Variants in EPHA5 observed in about 807,000 individuals in gnomAD.
EPHA5 encodes ephrin type-A receptor 5.
Under a neutral mutation model 105.0 loss-of-function variants are expected in EPHA5, and 60 were observed. The observed-to-expected ratio is 0.57, with a 90% confidence interval of 0.46 to 0.71. The LOEUF is 0.71. Among genes scored for constraint, EPHA5 ranks in the 30% least tolerant of loss-of-function variants. The probability of loss-of-function intolerance (pLI) is 0.00; values close to 1 mark genes in which losing one functional copy is unlikely to be tolerated. For missense variants in EPHA5, 1,218 were observed against 1,274.7 expected (o/e 0.96, Z 0.68); for synonymous variants, 513 against 449.1 (o/e 1.14, Z -1.80).
chr4:65,435,654 C>G (rs1725405766), intron 5 of EPHA5, among the ~76,000 whole-genome samples: 1 of 152,012 alleles, frequency 6.6e-6, no homozygotes. Flanking sequence ...GCTGGAAACC[C>G]CAGATCTGGA....
intron 1 of EPHA5, among the ~76,000 whole-genome samples, chr4:65,660,520 G>C (rs1293521845): frequency 6.6e-6 from 1 of 152,134 alleles, no homozygotes; most frequent in Non-Finnish European, 1.5e-5. Context: ...AGGGAGGAAA[G>C]ATAGGGACTA....
chr4:65,415,092 A>G (rs1387124937), intron 6 of EPHA5, among the ~76,000 whole-genome samples: 2 of 152,174 alleles, frequency 1.3e-5, no homozygotes, highest in African/African-American at 4.8e-5. Context: ...AAATTACTGG[A>G]AAGATAGTTT....
At chr4:65,580,723 GCATAAAAGACTT>G in intron 3 of EPHA5, among the ~76,000 whole-genome samples, 1 of 150,946 alleles carries the variant, frequency 6.6e-6, no homozygotes, top group Admixed American at 6.6e-5. Context: ...CAAAAGTTGA[GCATAAAAGACTT>G]CAGACCCTTA....
chr4:65,581,223 T>C (rs1741588588), intron 3 of EPHA5, among the ~76,000 whole-genome samples: 1 of 151,860 alleles, frequency 6.6e-6, no homozygotes, highest in Non-Finnish European at 1.5e-5. Context: ...AGATGCTCTA[T>C]ATGCCAGAGT....
intron 5 of EPHA5, among the ~76,000 whole-genome samples, chr4:65,484,306 T>C (rs957718337): frequency 4.6e-5 from 7 of 152,154 alleles, no homozygotes; most frequent in Non-Finnish European, 5.9e-5. Context: ...CATTTCAATA[T>C]TTTATGAGAC....
chr4:65,549,208 A>C lies in EPHA5; in HGVS notation c.910+52433T>G, dbSNP rs555929292. ...AAATTTCCATGATGTCTATGGCCAG[A>C]AGATAATAAAATGACATCATTAAGT... On this transcript the variant is annotated intron_variant, in intron 3 of 16. Coordinates refer to ENST00000613740, the MANE Select transcript of EPHA5 (RefSeq NM_001281766.3). Among the ~76,000 whole-genome samples the C allele has an allele frequency of 2.0e-5, 3 of 152,288 alleles. No homozygotes were observed. The South Asian group carries it at 6.2e-4, about 32-fold the overall frequency.
At chr4:65,537,130 A>T (rs1216391437) in intron 3 of EPHA5, among the ~76,000 whole-genome samples, 1 of 151,834 alleles carries the variant, frequency 6.6e-6, no homozygotes, top group Non-Finnish European at 1.5e-5. Context: ...TGGTGGAAAT[A>T]AAAGAAGGTA....
chr4:65,427,993 A>G (rs1724610948), intron 5 of EPHA5, among the ~76,000 whole-genome samples: 1 of 152,108 alleles, frequency 6.6e-6, no homozygotes, highest in Non-Finnish European at 1.5e-5. Flanking sequence ...ATAAATCCAT[A>G]TTTTATTTTA....
intron 2 of EPHA5, among the ~76,000 whole-genome samples, chr4:65,623,126 C>T (rs1745847607): frequency 6.6e-6 from 1 of 151,950 alleles, no homozygotes; most frequent in South Asian, 2.1e-4. Context: ...AATCATATCA[C>T]CACCAAAAAA....
chr4:65,329,853 T>G (rs1720426667), intron 16 of EPHA5, among the ~76,000 whole-genome samples: 1 of 150,144 alleles, frequency 6.7e-6, no homozygotes, highest in Admixed American at 6.7e-5. Context: ...AATGAACAGA[T>G]GAACTTTTAA....
chr4:65,644,102 A>G (rs1747910099), intron 1 of EPHA5, among the ~76,000 whole-genome samples: 1 of 152,016 alleles, frequency 6.6e-6, no homozygotes, highest in Admixed American at 6.6e-5. Flanking sequence ...TGTTTCATGT[A>G]GAACTGTCAG....
intron 14 of EPHA5, among the ~76,000 whole-genome samples, chr4:65,341,168 G>A (rs1032455187): frequency 6.6e-6 from 1 of 152,118 alleles, no homozygotes; most frequent in African/African-American, 2.4e-5. Context: ...GATTATGTCA[G>A]TCATAGCCAT....
At chr4:65,525,914 C>A (rs541414400) in intron 3 of EPHA5, among the ~76,000 whole-genome samples, 1 of 151,842 alleles carries the variant, frequency 6.6e-6, no homozygotes, top group Non-Finnish European at 1.5e-5. Context: ...CTGTCTCAGG[C>A]GCTGATTATA....
intron 4 of EPHA5, among the ~76,000 whole-genome samples, chr4:65,491,469 A>G (rs1221746295): frequency 6.6e-6 from 1 of 152,122 alleles, no homozygotes; most frequent in Non-Finnish European, 1.5e-5. Context: ...TGAAGGATCA[A>G]TAGAATAAAT....
intron 3 of EPHA5, among the ~76,000 whole-genome samples, chr4:65,568,978 A>G (rs1007672654): frequency 6.6e-6 from 1 of 151,104 alleles, no homozygotes; most frequent in Non-Finnish European, 1.5e-5. Flanking sequence ...CTTAATTTTT[A>G]AAGCATAATA....
chr4:65,465,355 G>A (rs1728512393), intron 5 of EPHA5, among the ~76,000 whole-genome samples: 1 of 151,730 alleles, frequency 6.6e-6, no homozygotes, highest in African/African-American at 2.4e-5. Context: ...GAACCCAGGA[G>A]GCAGAAGTTG....
chr4:65,634,859 A>G (rs1362575134), intron 2 of EPHA5, among the ~76,000 whole-genome samples: 2 of 152,082 alleles, frequency 1.3e-5, no homozygotes, highest in Non-Finnish European at 2.9e-5. Context: ...CAAAGCCAAA[A>G]TAAGGTTCTG....
At chr4:65,445,711 A>T (rs1359505897) in intron 5 of EPHA5, among the ~76,000 whole-genome samples, 2 of 152,154 alleles carry the variant, frequency 1.3e-5, no homozygotes, top group African/African-American at 4.8e-5. Flanking sequence ...CACTTACTAC[A>T]TTCATTAAAC....
At chr4:65,414,701 C>A (rs977169947) in intron 6 of EPHA5, among the ~76,000 whole-genome samples, 1 of 152,112 alleles carries the variant, frequency 6.6e-6, no homozygotes, top group African/African-American at 2.4e-5. Flanking sequence ...TAATAAATTT[C>A]TAAAACTTTG....
Sources: gnomAD v4.1 joint callset for allele counts (sites outside exome capture counted in the v4.1 genomes callset) on GRCh38, gnomAD v4.1.1 for gene constraint, MANE v1.5 for transcripts, NCBI Gene and HGNC (gene_info 2026-07-23, HGNC 2026-07-21) for gene names.